Variants in DPP6 observed in about 807,000 individuals in gnomAD.
DPP6 encodes the protein A-type potassium channel modulatory protein DPP6.
Under a neutral mutation model 122.6 loss-of-function variants are expected in DPP6, and 69 were observed. That is an observed-to-expected ratio of 0.56 (90% CI 0.46 to 0.69). The LOEUF (loss-of-function observed/expected upper bound fraction) is 0.69, where lower values mean the gene tolerates loss of function less well. DPP6 is among the 30% of genes least tolerant of loss of function. The probability of loss-of-function intolerance (pLI) is 0.00; values close to 1 mark genes in which losing one functional copy is unlikely to be tolerated. For synonymous variants in DPP6, 418 were observed against 433.1 expected (o/e 0.97, Z 0.43); for missense variants, 928 against 1,116.9 (o/e 0.83, Z 2.41).
intron 2 of DPP6, among the ~76,000 whole-genome samples, chr7:154,458,614 A>G (rs1395982150): frequency 6.6e-6 from 1 of 152,222 alleles, no homozygotes; most frequent in African/African-American, 2.4e-5. Flanking sequence ...GTTTGAAGCC[A>G]TCAAGTTTGT....
chr7:154,061,737 T>C (rs1585277935), intron 1 of DPP6, among the ~76,000 whole-genome samples: 1 of 76,034 alleles, frequency 1.3e-5, no homozygotes, highest in African/African-American at 5.0e-5. Flanking sequence ...ACTGCGAACC[T>C]CCCCCTTTCC....
At chr7:154,102,292 C>T (rs763053915) in intron 1 of DPP6, among the ~76,000 whole-genome samples, 3 of 152,106 alleles carry the variant, frequency 2.0e-5, no homozygotes, top group Admixed American at 6.5e-5. Context: ...TGGGTTCAAG[C>T]GATTCTCCCG....
chr7:154,410,910 G>T (rs956736349), intron 1 of DPP6, among the ~76,000 whole-genome samples: 1 of 152,094 alleles, frequency 6.6e-6, no homozygotes, highest in African/African-American at 2.4e-5. Context: ...GTACAGTTTG[G>T]TTCCCTGAAA....
intron 1 of DPP6, among the ~76,000 whole-genome samples, chr7:154,286,043 T>G (rs1027698501): frequency 3.9e-5 from 6 of 152,200 alleles, no homozygotes; most frequent in Middle Eastern, 3.2e-3. Context: ...TTTCTCAGTA[T>G]TTTAAAAACA....
intron 8 of DPP6, 114 bp from the exon 9 acceptor site, chr7:154,769,303 A>C (rs1796092774): frequency 7.4e-7 from 1 of 1,359,798 alleles, no homozygotes; most frequent in Non-Finnish European, 1.0e-6. Context: ...TGTAGCAGAT[A>C]AGGGGCTCTG....
chr7:154,523,045 AC>A (rs1254343224), intron 3 of DPP6, among the ~76,000 whole-genome samples: 30 of 152,220 alleles, frequency 2.0e-4, no homozygotes, highest in African/African-American at 7.2e-4. Flanking sequence ...CTCCTCACTG[AC>A]CGAGTCATTC....
chr7:153,749,474 T>TCACGGA, the DPP6 span, among the ~76,000 whole-genome samples: 1 of 152,056 alleles, frequency 6.6e-6, no homozygotes, highest in South Asian at 2.1e-4. The surrounding 1 kb of genome is among the most constrained non-coding windows in gnomAD (Gnocchi z 4.1). Context: ...CTGGCTGCTG[T>TCACGGA]CACGGACACG....
At chr7:154,645,480 T>C (rs1313736034) in intron 6 of DPP6, among the ~76,000 whole-genome samples, 1 of 152,044 alleles carries the variant, frequency 6.6e-6, no homozygotes, top group Non-Finnish European at 1.5e-5. Context: ...CCTCCTTCTA[T>C]CCCTCCCTCC....
intron 1 of DPP6, among the ~76,000 whole-genome samples, chr7:154,361,619 A>G (rs1172380636): frequency 1.3e-5 from 2 of 152,206 alleles, no homozygotes; most frequent in East Asian, 3.9e-4. Flanking sequence ...AAAAAAAAAA[A>G]AAAAAGAATT....
chr7:154,238,700 C>T (rs1801377702), intron 1 of DPP6, among the ~76,000 whole-genome samples: 1 of 152,208 alleles, frequency 6.6e-6, no homozygotes, highest in Non-Finnish European at 1.5e-5. Context: ...GGAATGGATT[C>T]TCTTATTATT....
intron 1 of DPP6, chr7:154,305,062 CCCA>C (rs1563443566): frequency 2.8e-5 from 3 of 106,760 alleles, no homozygotes; most frequent in Middle Eastern, 4.0e-3. Flanking sequence ...CAGCCCCAGC[CCCA>C]GCCCCAGCCC....
chr7:153,843,277 C>A, the DPP6 span, among the ~76,000 whole-genome samples: 1 of 148,516 alleles, frequency 6.7e-6, no homozygotes, highest in East Asian at 1.9e-4. Flanking sequence ...CGCATGCGCG[C>A]GCGCACACAC....
chr7:154,563,614 G>T (rs888178055), intron 4 of DPP6, among the ~76,000 whole-genome samples: 1 of 152,088 alleles, frequency 6.6e-6, no homozygotes, highest in Non-Finnish European at 1.5e-5. Flanking sequence ...CTAGATGTAG[G>T]GTGTGTAAAA....
At chr7:154,804,743 T>A (rs2077627358) in intron 14 of DPP6, among the ~76,000 whole-genome samples, 174 bp from the exon 15 acceptor site, 1 of 152,196 alleles carries the variant, frequency 6.6e-6, no homozygotes, top group Non-Finnish European at 1.5e-5. Context: ...CCCTTAGGTG[T>A]CTGGCCACCC....
intron 3 of DPP6, among the ~76,000 whole-genome samples, chr7:154,519,538 T>A (rs1424156540): frequency 1.3e-5 from 2 of 152,240 alleles, no homozygotes; most frequent in Non-Finnish European, 2.9e-5. Flanking sequence ...AAGGAGTAGA[T>A]GATTCCCTCT....
chr7:154,020,904 T>TAGAC (rs1798667113), intron 1 of DPP6, among the ~76,000 whole-genome samples: 1 of 152,034 alleles, frequency 6.6e-6, no homozygotes, highest in Non-Finnish European at 1.5e-5. Flanking sequence ...ACCAAATGGG[T>TAGAC]AGACATGTGA....
Position 154,243,216 on chromosome 7 carries a change from T to C in DPP6, c.243+190153T>C, listed in dbSNP as rs1176191163. On this transcript the variant is annotated intron_variant, in intron 1 of 25. Coordinates refer to ENST00000377770, the MANE Select transcript of DPP6 (RefSeq NM_130797.4). ...AACATTTTGTCTATAGTATCCAGAATAAAATTTTTTTAAAAAATTGCTAGA... is the reference window on the plus strand; with the variant it reads ...AACATTTTGTCTATAGTATCCAGAACAAAATTTTTTTAAAAAATTGCTAGA... 2.6e-5 allele frequency among the ~76,000 whole-genome samples: 4 copies of C among 152,210 alleles called. No homozygotes were observed. The East Asian group carries it at 7.7e-4, about 29-fold the overall frequency.
At chr7:154,669,306 A>T in intron 6 of DPP6, 54 bp from the exon 7 acceptor site, 1 of 1,551,508 alleles carries the variant, frequency 6.4e-7, no homozygotes, top group Non-Finnish European at 8.7e-7. Flanking sequence ...CAGCAGCTTA[A>T]ATTCTTGGTT....
intron 1 of DPP6, among the ~76,000 whole-genome samples, chr7:154,169,241 A>G (rs1018692213): frequency 2.0e-5 from 3 of 152,074 alleles, no homozygotes; most frequent in Non-Finnish European, 4.4e-5. Context: ...TTGGCCTGGT[A>G]GAGTCTTATG....
Sources: gnomAD v4.1 joint callset for allele counts (sites outside exome capture counted in the v4.1 genomes callset) on GRCh38, gnomAD v4.1.1 for gene constraint, Gnocchi (gnomAD v3.1) non-coding constraint, MANE v1.5 for transcripts, NCBI Gene and HGNC (gene_info 2026-07-23, HGNC 2026-07-21) for gene names.